The following AGBL2 variants were observed in gnomAD, a reference collection of about 807,000 sequenced individuals.
AGBL2 encodes AGBL carboxypeptidase 2.
Under a neutral mutation model 103.0 loss-of-function variants are expected in AGBL2, and 87 were observed. That is an observed-to-expected ratio of 0.84 (90% CI 0.71 to 1.01). The LOEUF (loss-of-function observed/expected upper bound fraction) is 1.01. Ranked by LOEUF, AGBL2 falls within the 50% of genes least tolerant of loss-of-function variation. The pLI is 0.00. For synonymous variants in AGBL2, 335 were observed against 356.7 expected (o/e 0.94, Z 0.69); for missense variants, 904 against 1,023.5 (o/e 0.88, Z 1.59).
intron 13 of AGBL2, among the ~76,000 whole-genome samples, chr11:47,677,896 A>G (rs989319047): frequency 4.9e-4 from 75 of 152,150 alleles, no homozygotes; most frequent in African/African-American, 1.8e-3. Context: ...GAACAAATAG[A>G]AATTTTTTTA....
At chr11:47,701,131 TAA>T (rs1193961193) in intron 7 of AGBL2, among the ~76,000 whole-genome samples, 1 of 152,028 alleles carries the variant, frequency 6.6e-6, no homozygotes, top group African/African-American at 2.4e-5. Context: ...TGTTTGTTAA[TAA>T]GTTTCTTTGA....
chr11:47,704,448 A>G, intron 7 of AGBL2, 95 bp downstream of exon 7: 2 of 1,108,376 alleles, frequency 1.8e-6, no homozygotes, highest in Admixed American at 2.5e-5. Flanking sequence ...GCGCCATTGC[A>G]CTCCAGCCTG....
chr11:47,704,907 T>C (rs1390154540), intron 6 of AGBL2, among the ~76,000 whole-genome samples, 179 bp from the exon 7 acceptor site: 3 of 152,196 alleles, frequency 2.0e-5, no homozygotes, highest in African/African-American at 4.8e-5. Context: ...TTCAAAATTA[T>C]AAAACGTTAA....
At position 47,692,659 on chromosome 11, in the gene AGBL2, G is replaced by A. The variant is rs183645109; in HGVS notation, c.695-403C>T. On this transcript the variant is annotated intron_variant, in intron 8 of 18. Transcript: ENST00000525123. ...GATCTCCTGACCTTGTGATCTGCCC[G>A]TCTCAGCCTCCCAAAGTGCTGGGAT... 2.0e-5 allele frequency among the ~76,000 whole-genome samples: 3 copies of A among 151,804 alleles called. No individual in the cohort carries two copies. In the East Asian group the frequency reaches 5.8e-4, roughly 29 times the overall value.
At chr11:47,686,181 C>T in intron 10 of AGBL2, 132 bp from the exon 11 acceptor site, 1 of 842,448 alleles carries the variant, frequency 1.2e-6, no homozygotes, top group Non-Finnish European at 1.9e-6. Context: ...CTCCATTGGC[C>T]TTCAATGGAC....
At chr11:47,687,399 C>T (rs1415552757) in intron 10 of AGBL2, among the ~76,000 whole-genome samples, 1 of 151,956 alleles carries the variant, frequency 6.6e-6, no homozygotes, top group East Asian at 1.9e-4. Flanking sequence ...GAAAAAGAAC[C>T]CCACTTATAC....
chr11:47,683,980 T>C (rs1472421096), intron 11 of AGBL2, among the ~76,000 whole-genome samples: 1 of 148,586 alleles, frequency 6.7e-6, no homozygotes, highest in Non-Finnish European at 1.5e-5. Context: ...GTGCGTGGCG[T>C]GGTGGCTCAA....
At chr11:47,662,171 TTTTATTTA>T (rs1269786491) in intron 18 of AGBL2, among the ~76,000 whole-genome samples, 2 of 152,002 alleles carry the variant, frequency 1.3e-5, no homozygotes, top group Non-Finnish European at 2.9e-5. Flanking sequence ...AGTTTTTATA[TTTTATTTA>T]TTTATTTATT....
intron 8 of AGBL2, among the ~76,000 whole-genome samples, chr11:47,699,164 C>T (rs1049943818): frequency 2.0e-4 from 30 of 151,938 alleles, no homozygotes; most frequent in African/African-American, 6.5e-4. Flanking sequence ...AAGAAATCTC[C>T]CCAAAGATGA....
At chr11:47,702,905 T>C (rs1440325007) in intron 7 of AGBL2, among the ~76,000 whole-genome samples, 1 of 152,002 alleles carries the variant, frequency 6.6e-6, no homozygotes, top group Non-Finnish European at 1.5e-5. Context: ...AGTTGTTTAT[T>C]CAGTAGTATA....
At chr11:47,703,938 A>AC (rs1445016633) in intron 7 of AGBL2, among the ~76,000 whole-genome samples, 9 of 138,752 alleles carry the variant, frequency 6.5e-5, no homozygotes, top group East Asian at 2.4e-4. Context: ...AAAAAAAAAA[A>AC]AACAAAAAAA....
intron 3 of AGBL2, 100 bp from the exon 4 acceptor site, chr11:47,710,611 C>A (rs978042762): frequency 8.0e-6 from 11 of 1,379,166 alleles, no homozygotes; most frequent in Non-Finnish European, 1.1e-5. Context: ...CACCACCCAC[C>A]ACCACAGCCC....
chr11:47,678,012 G>T (rs1488587328), intron 13 of AGBL2, among the ~76,000 whole-genome samples: 1 of 151,382 alleles, frequency 6.6e-6, no homozygotes, highest in Non-Finnish European at 1.5e-5. Context: ...TCTCCAGGCT[G>T]GAGTACAGTG....
chr11:47,678,633 C>CTGA (rs1302320465), intron 13 of AGBL2, among the ~76,000 whole-genome samples: 1 of 151,696 alleles, frequency 6.6e-6, no homozygotes, highest in African/African-American at 2.4e-5. Context: ...TGCACCCGGC[C>CTGA]TGATGATGAT....
Position 47,696,439 on chromosome 11 carries a change from G to A in AGBL2, c.694+3007C>T, listed in dbSNP as rs544677212. Reference sequence around the variant, plus strand: ...CACCATACCAGGCTACTTTCTTTGTGTTTTTAGTAGAGAGACAGGGTTTCA... The same window carrying A: ...CACCATACCAGGCTACTTTCTTTGTATTTTTAGTAGAGAGACAGGGTTTCA... On this transcript the variant is annotated intron_variant, in intron 8 of 18. Coordinates refer to ENST00000525123, the MANE Select transcript of AGBL2 (RefSeq NM_024783.4). Among the ~76,000 whole-genome samples the A allele has an allele frequency of 5.3e-5, 8 of 151,822 alleles. No homozygotes were observed. The East Asian group carries it at 1.6e-3, about 30-fold the overall frequency.
chr11:47,673,650 G>A (rs1268108966), intron 14 of AGBL2, among the ~76,000 whole-genome samples: 2 of 151,062 alleles, frequency 1.3e-5, no homozygotes, highest in Non-Finnish European at 3.0e-5. Context: ...AAATTAGCAG[G>A]CATGGTGGTG....
In AGBL2 at chr11:47,660,285, T is replaced by C. The variant is rs1289295654; in HGVS notation, c.2597A>G (p.Glu866Gly). ...GTTTGGCTTCATACCTGGAGCTGGC[T>C]CTTGGCTGGAGTTTATGGTTCTCTT... ...SPKRTINSSQ[E>G]PAPGMKPNWP... is the part of the protein sequence containing the mutation. The change falls in exon 19 of 19, where the codon GAG (glutamate) becomes GGG (glycine). Residue 866 changes from glutamate (E) to glycine (G), a missense_variant. Transcript: ENST00000525123. 6.2e-7 allele frequency: 1 copy of C among 1,614,110 alleles called. No individual in the cohort carries two copies. Among genetic ancestry groups the C allele is most frequent in the East Asian group, 2.2e-5 (1 of 44,900 alleles).
chr11:47,676,393 T>C (rs923025639), intron 14 of AGBL2, among the ~76,000 whole-genome samples: 7 of 152,202 alleles, frequency 4.6e-5, no homozygotes, highest in Non-Finnish European at 8.8e-5. Context: ...ACCTTTTACC[T>C]GTATTATTGG....
At chr11:47,663,644 C>T (rs1028216880) in intron 17 of AGBL2, among the ~76,000 whole-genome samples, 2 of 151,766 alleles carry the variant, frequency 1.3e-5, no homozygotes, top group South Asian at 2.1e-4. Flanking sequence ...GCAACCTCTG[C>T]CTCCCGGGTT....
Sources: gnomAD v4.1 joint callset for allele counts (sites outside exome capture counted in the v4.1 genomes callset) on GRCh38, gnomAD v4.1.1 for gene constraint, MANE v1.5 for transcripts, NCBI Gene and HGNC (gene_info 2026-07-23, HGNC 2026-07-21) for gene names.